The following ERICH3 variants were observed in gnomAD, a reference collection of about 807,000 sequenced individuals.
ERICH3 encodes glutamate rich 3.
In ERICH3, 126 loss-of-function variants were observed where a neutral mutation model predicts 131.1. The observed-to-expected ratio is 0.96, with a 90% CI of 0.83 to 1.11. ERICH3 has a LOEUF of 1.11. Ranked by LOEUF, ERICH3 falls within the 50% of genes most tolerant of loss-of-function variation. The pLI, the probability that ERICH3 is intolerant of heterozygous loss-of-function variation, is 0.00. For missense variants in ERICH3, 2,050 were observed against 1,810.7 expected, an observed-to-expected ratio of 1.13 and a Z score of -2.40; for synonymous variants, 695 against 644.6, an observed-to-expected ratio of 1.08 and a Z score of -1.18.
At chr1:74,655,920 A>G (rs902048647) in intron 1 of ERICH3, among the ~76,000 whole-genome samples, 3 of 152,162 alleles carry the variant, frequency 2.0e-5, no homozygotes, top group African/African-American at 7.2e-5. Context: ...GAAGTTCAAG[A>G]TCAAGATGCC....
At chr1:74,663,852 A>C (rs1646664837) in intron 1 of ERICH3, among the ~76,000 whole-genome samples, 1 of 152,100 alleles carries the variant, frequency 6.6e-6, no homozygotes, top group African/African-American at 2.4e-5. Context: ...AGCCACTAGG[A>C]GTTTGGCTTT....
At chr1:74,597,432 A>G (rs1188724705) in intron 11 of ERICH3, among the ~76,000 whole-genome samples, 2 of 152,096 alleles carry the variant, frequency 1.3e-5, no homozygotes, top group Non-Finnish European at 2.9e-5. Flanking sequence ...ATGAAACAAC[A>G]AAAGAAAATA....
chr1:74,602,229 A>G (rs946199895), intron 10 of ERICH3, among the ~76,000 whole-genome samples: 4 of 151,902 alleles, frequency 2.6e-5, no homozygotes, highest in African/African-American at 4.8e-5. Context: ...CTCAAATATG[A>G]AAGTCAAGGC....
At chr1:74,654,369 T>C (rs1386948605) in intron 1 of ERICH3, among the ~76,000 whole-genome samples, 6 of 149,022 alleles carry the variant, frequency 4.0e-5, no homozygotes, top group Admixed American at 4.0e-4. Flanking sequence ...TATATATATA[T>C]GTATGTATAT....
intron 1 of ERICH3, among the ~76,000 whole-genome samples, chr1:74,659,815 T>C (rs1027453153): frequency 2.0e-5 from 3 of 152,088 alleles, no homozygotes; most frequent in African/African-American, 7.2e-5. Flanking sequence ...AAGTCAAGTG[T>C]TGAGGGAAGA....
chr1:74,589,552 A>G (rs1396010880), intron 12 of ERICH3, 79 bp downstream of exon 12: 9 of 1,346,926 alleles, frequency 6.7e-6, no homozygotes, highest in Non-Finnish European at 8.3e-6. Flanking sequence ...GTATTTCCCA[A>G]GCTTTGGCAT....
intron 8 of ERICH3, among the ~76,000 whole-genome samples, chr1:74,616,442 AC>A (rs748485596): frequency 9.8e-5 from 15 of 152,290 alleles, no homozygotes; most frequent in Non-Finnish European, 1.8e-4. Context: ...TCCCTGGCTA[AC>A]TGGAAGTGGC....
intron 13 of ERICH3, among the ~76,000 whole-genome samples, chr1:74,575,144 A>G (rs1253400735): frequency 1.3e-5 from 2 of 152,212 alleles, no homozygotes; most frequent in Non-Finnish European, 2.9e-5. Flanking sequence ...TCTCTACTTT[A>G]TACCCCATCC....
intron 12 of ERICH3, chr1:74,577,432 A>G (rs910344243): frequency 1.3e-5 from 2 of 153,768 alleles, no homozygotes; most frequent in African/African-American, 4.8e-5. Context: ...TCAGCATCAC[A>G]GTGGCAGTGG....
chr1:74,569,195 T>C lies in ERICH3; in HGVS notation c.*1263A>G, dbSNP rs534288213. ...TCAAGTGAAAAGTTAAAAATATATA[T>C]ATACTGATGTGTAGATCCATCTAAA... is the stretch of plus-strand genomic sequence containing the variant. On this transcript the variant is annotated 3_prime_UTR_variant, in exon 15 of 15. Transcript: ENST00000326665. 1 of 152,074 alleles carries C rather than the reference T, an allele frequency of 6.6e-6. No homozygotes were observed. The highest frequency in any genetic ancestry group is 6.6e-5 in the Admixed American group (1 of 15,262). The allele number at this position is 152,074 out of a possible 1,614,324, so 9.4% of individuals were successfully genotyped here. A position where few individuals can be genotyped will look rare whatever the true frequency, so the allele number is the denominator to read the frequency against.
intron 8 of ERICH3, 50 bp from the exon 9 acceptor site, chr1:74,612,859 A>T: frequency 7.0e-7 from 1 of 1,435,830 alleles, no homozygotes; most frequent in Non-Finnish European, 9.6e-7. Context: ...CTTCGGACTA[A>T]CATCTGTTAA....
Position 74,612,754 on chromosome 1 carries a change from A to G in ERICH3, c.1056T>C (p.Phe352=). ...RHHGFPFSLT[F]FLNGMQVNRL... Reference sequence around the variant, plus strand: ...TGTTCACCTGCATCCCATTCAGGAAAAAGGTGAGACTGAAGGGGAAACCAT... The same window carrying G: ...TGTTCACCTGCATCCCATTCAGGAAGAAGGTGAGACTGAAGGGGAAACCAT... The change falls in exon 9 of 15, where the codon TTT becomes TTC. Residue 352 remains phenylalanine, a synonymous_variant. Coordinates refer to ENST00000326665, the MANE Select transcript of ERICH3 (RefSeq NM_001002912.5). 6.2e-7 allele frequency: 1 copy of G among 1,600,850 alleles called. No individual in the cohort carries two copies. Among genetic ancestry groups the G allele is most frequent in the Non-Finnish European group, 8.5e-7 (1 of 1,169,624 alleles).
intron 11 of ERICH3, among the ~76,000 whole-genome samples, chr1:74,592,765 C>T (rs1647667302): frequency 6.6e-6 from 1 of 152,116 alleles, no homozygotes. Context: ...TTTCAGTTTT[C>T]AAATTTCTCC....
At chr1:74,612,366 A>G (rs970371816) in intron 9 of ERICH3, among the ~76,000 whole-genome samples, 2 of 152,228 alleles carry the variant, frequency 1.3e-5, no homozygotes, top group Non-Finnish European at 2.9e-5. Flanking sequence ...GTGAGAAGAC[A>G]GGAGAGATAG....
chr1:74,625,812 C>T (rs533837229), intron 7 of ERICH3: 6 of 152,218 alleles, frequency 3.9e-5, no homozygotes, highest in Non-Finnish European at 8.8e-5. Flanking sequence ...AGCCCCTGAA[C>T]TAGAGATGTA....
At chr1:74,629,015 G>A (rs1004603843) in intron 7 of ERICH3, among the ~76,000 whole-genome samples, 1 of 152,032 alleles carries the variant, frequency 6.6e-6, no homozygotes, top group African/African-American at 2.4e-5. Context: ...GACATTTATA[G>A]AACCTTAATT....
chr1:74,570,683 T>C (rs1361745987), intron 14 of ERICH3, among the ~76,000 whole-genome samples: 2 of 152,190 alleles, frequency 1.3e-5, no homozygotes, highest in East Asian at 3.9e-4. Flanking sequence ...TAAAGGCAAA[T>C]GATAACAAAC....
rs146600085 is a variant in ERICH3, at chr1:74,620,947, G to A, written c.820-33C>T. 890 of 1,456,654 alleles carry A rather than the reference G, an allele frequency of 6.1e-4. 3 individuals carry two copies. In the African/African-American group the frequency reaches 0.012, roughly 19 times the overall value. 90.2% of individuals were successfully genotyped at this position (1,456,654 alleles called of 1,614,324 possible). A position where few individuals can be genotyped will look rare whatever the true frequency, so the allele number is the denominator to read the frequency against. On this transcript the variant is annotated intron_variant, in intron 7 of 14. Coordinates refer to ENST00000326665, the MANE Select transcript of ERICH3 (RefSeq NM_001002912.5). ...AAACAGAAAAATGAGGCTTATTAAC[G>A]AATTACTTTCTAATGAGAGTTCTTA...
At chr1:74,609,144 C>G (rs1314420887) in intron 9 of ERICH3, among the ~76,000 whole-genome samples, 1 of 152,038 alleles carries the variant, frequency 6.6e-6, no homozygotes, top group Non-Finnish European at 1.5e-5. Context: ...AAGTTTCATG[C>G]TAGCAATTGA....
Sources: gnomAD v4.1 joint callset for allele counts (sites outside exome capture counted in the v4.1 genomes callset) on GRCh38, gnomAD v4.1.1 for gene constraint, MANE v1.5 for transcripts, NCBI Gene and HGNC (gene_info 2026-07-23, HGNC 2026-07-21) for gene names.